Variants in ACOXL observed in about 807,000 individuals in gnomAD.
ACOXL encodes acyl-coenzyme A oxidase-like protein.
A neutral mutation model predicts 71.9 loss-of-function variants in ACOXL; 70 were observed. The observed-to-expected ratio is 0.97, with a 90% confidence interval of 0.80 to 1.19. The LOEUF (loss-of-function observed/expected upper bound fraction) is 1.19, where lower values mean the gene tolerates loss of function less well. ACOXL is among the 50% of genes most tolerant of loss of function. The pLI is 0.00. For synonymous variants in ACOXL, 253 were observed against 281.6 expected (o/e 0.90, Z 1.02); for missense variants, 703 against 736.3 (o/e 0.95, Z 0.52).
chr2:110,934,873 A>G lies in ACOXL; in HGVS notation c.1059+1231A>G, dbSNP rs144624464. ...GGGGTCCACATGGAAAAGAAAGGGA[A>G]TGGAGAATGAAATAATAGCTGGCCT... On this transcript the variant is annotated intron_variant, in intron 12 of 17. Transcript: ENST00000439055. Among the ~76,000 whole-genome samples the G allele has an allele frequency of 8.5e-5, 13 of 152,222 alleles. No homozygotes were observed. The East Asian group carries it at 2.3e-3, about 27-fold the overall frequency.
intron 1 of ACOXL, among the ~76,000 whole-genome samples, chr2:110,765,550 A>G (rs921924245): frequency 7.2e-5 from 11 of 152,174 alleles, no homozygotes; most frequent in African/African-American, 2.7e-4. Flanking sequence ...AATATCTTAG[A>G]TCAGGTTGCC....
intron 9 of ACOXL, among the ~76,000 whole-genome samples, chr2:110,830,357 G>T: frequency 6.6e-6 from 1 of 152,026 alleles, no homozygotes; most frequent in East Asian, 1.9e-4. Flanking sequence ...TGTGTCTGCA[G>T]TTCCTTCCTC....
intron 14 of ACOXL, among the ~76,000 whole-genome samples, chr2:111,017,434 G>T (rs969825562): frequency 2.0e-5 from 3 of 152,242 alleles, no homozygotes; most frequent in Non-Finnish European, 2.9e-5. Context: ...GCTCAGCAGT[G>T]GCAGCAGCTT....
At chr2:111,005,915 G>A (rs2063850190) in intron 14 of ACOXL, among the ~76,000 whole-genome samples, 1 of 152,140 alleles carries the variant, frequency 6.6e-6, no homozygotes, top group African/African-American at 2.4e-5. Flanking sequence ...AGACATTGTG[G>A]GTAGGGACAG....
chr2:110,755,487 C>T (rs1014391791), intron 1 of ACOXL, among the ~76,000 whole-genome samples: 1 of 152,142 alleles, frequency 6.6e-6, no homozygotes, highest in Non-Finnish European at 1.5e-5. Flanking sequence ...CACAACTATG[C>T]ATGTTGCTTA....
chr2:110,762,435 G>T (rs1173314367), intron 1 of ACOXL, among the ~76,000 whole-genome samples: 2 of 151,280 alleles, frequency 1.3e-5, no homozygotes, highest in Admixed American at 1.3e-4. Flanking sequence ...TTACCTTCCT[G>T]TAGATTATTT....
chr2:110,923,573 A>G (rs542320479), intron 11 of ACOXL, among the ~76,000 whole-genome samples: 4 of 152,182 alleles, frequency 2.6e-5, no homozygotes, highest in Non-Finnish European at 5.9e-5. Flanking sequence ...TTCAAATCCC[A>G]GTCTCTCCAC....
At chr2:110,976,578 G>T (rs929853703) in intron 12 of ACOXL, among the ~76,000 whole-genome samples, 3 of 152,182 alleles carry the variant, frequency 2.0e-5, no homozygotes, top group Non-Finnish European at 2.9e-5. Context: ...AAGCATTCAA[G>T]AAATGAAGAA....
intron 17 of ACOXL, among the ~76,000 whole-genome samples, chr2:111,105,861 T>C (rs7567444): frequency 0.58 from 88,265 of 151,966 alleles, 27,146 homozygotes; most frequent in African/African-American, 0.78. Flanking sequence ...TTTCTGGCTT[T>C]CATAGTTTCT....
intron 1 of ACOXL, among the ~76,000 whole-genome samples, chr2:110,740,390 G>A (rs571619435): frequency 2.6e-5 from 4 of 152,314 alleles, no homozygotes; most frequent in East Asian, 1.9e-4. Flanking sequence ...GAGATGGGCC[G>A]GTGAGTGGTG....
chr2:110,848,045 A>G (rs1030503102), intron 10 of ACOXL, among the ~76,000 whole-genome samples: 1 of 152,220 alleles, frequency 6.6e-6, no homozygotes, highest in Non-Finnish European at 1.5e-5. Context: ...TGAGCAAATG[A>G]AATTGCCATC....
chr2:110,967,508 T>C (rs1451104222), intron 12 of ACOXL, among the ~76,000 whole-genome samples: 1 of 152,164 alleles, frequency 6.6e-6, no homozygotes, highest in Non-Finnish European at 1.5e-5. Context: ...CAAAGAGACC[T>C]AAATGGAGGT....
intron 13 of ACOXL, among the ~76,000 whole-genome samples, chr2:110,987,859 G>T (rs753991188): frequency 6.6e-6 from 1 of 152,122 alleles, no homozygotes; most frequent in African/African-American, 2.4e-5. Context: ...TTTGGGTTGT[G>T]TATGGTTTTT....
intron 12 of ACOXL, among the ~76,000 whole-genome samples, chr2:110,985,607 G>A (rs1399122735): frequency 6.6e-6 from 1 of 152,206 alleles, no homozygotes; most frequent in Non-Finnish European, 1.5e-5. Flanking sequence ...ACACCTGGGA[G>A]CATTGCAGGT....
chr2:110,983,331 C>T (rs146117883), intron 12 of ACOXL, among the ~76,000 whole-genome samples: 18 of 152,326 alleles, frequency 1.2e-4, no homozygotes, highest in Admixed American at 2.6e-4. Context: ...GTTACATAAT[C>T]ATGTTGCATG....
intron 4 of ACOXL, 44 bp from the exon 5 acceptor site, chr2:110,794,032 C>T (rs373394178): frequency 5.5e-5 from 88 of 1,593,606 alleles, no homozygotes; most frequent in Admixed American, 2.2e-4. Flanking sequence ...TTTGGAGCAA[C>T]TGCCTGACCA....
At chr2:110,996,167 G>A (rs1052668795) in intron 14 of ACOXL, among the ~76,000 whole-genome samples, 163 bp downstream of exon 14, 1 of 152,184 alleles carries the variant, frequency 6.6e-6, no homozygotes, top group African/African-American at 2.4e-5. Context: ...ACCGTTGCTT[G>A]CTCTAGAGGC....
intron 8 of ACOXL, among the ~76,000 whole-genome samples, chr2:110,804,490 A>C (rs184821677): frequency 6.6e-6 from 1 of 152,356 alleles, no homozygotes; most frequent in East Asian, 1.9e-4. Flanking sequence ...CGTTGTCTAC[A>C]AGAGAAATGC....
intron 15 of ACOXL, among the ~76,000 whole-genome samples, chr2:111,045,561 G>A (rs2065975040): frequency 6.6e-6 from 1 of 152,152 alleles, no homozygotes; most frequent in South Asian, 2.1e-4. Context: ...CCCCAACCCT[G>A]CAGAACTGTG....
Sources: gnomAD v4.1 joint callset for allele counts (sites outside exome capture counted in the v4.1 genomes callset) on GRCh38, gnomAD v4.1.1 for gene constraint, MANE v1.5 for transcripts, NCBI Gene and HGNC (gene_info 2026-07-23, HGNC 2026-07-21) for gene names.